Variants in SCFD2 observed in about 807,000 individuals in gnomAD.
The protein encoded by SCFD2 is sec1 family domain containing 2.
In SCFD2, 54 loss-of-function variants were observed where a neutral mutation model predicts 58.9. The ratio of observed to expected loss-of-function variants is 0.92; its 90% CI spans 0.74 to 1.15. The LOEUF is 1.15. Among genes scored for constraint, SCFD2 ranks in the 50% most tolerant of loss-of-function variants. The pLI is 0.00. For synonymous variants in SCFD2, 321 were observed against 335.9 expected (o/e 0.96, Z 0.49); for missense variants, 805 against 836.6 (o/e 0.96, Z 0.47).
chr4:53,189,128 G>A (rs558135538), intron 4 of SCFD2, among the ~76,000 whole-genome samples: 2 of 152,316 alleles, frequency 1.3e-5, no homozygotes, highest in South Asian at 2.1e-4. Flanking sequence ...AAAGAAGCAC[G>A]TTCCTTTTGC....
In SCFD2 at chr4:53,188,418, G is replaced by GGTGTGTGT. The variant is rs56120914; in HGVS notation, c.1312-42844_1312-42837dup. 5.7e-3 allele frequency among the ~76,000 whole-genome samples: 824 copies of GGTGTGTGT among 143,542 alleles called. 3 individuals carry two copies. Among genetic ancestry groups the GGTGTGTGT allele is most frequent in the Non-Finnish European group, 6.0e-3 (395 of 65,434 alleles). The allele number at this position is 143,542 out of a possible 152,430, so 94.2% of individuals were successfully genotyped here. ...GACAAAGTCCTCACACTTCAAAACT[G>GGTGTGTGT]GTGTGTGTGTGTGTGTGTGTGTGTG... On this transcript the variant is annotated intron_variant, in intron 4 of 8. Transcript: ENST00000401642.
intron 3 of SCFD2, among the ~76,000 whole-genome samples, chr4:53,290,184 C>A (rs1731793401): frequency 6.6e-6 from 1 of 152,064 alleles, no homozygotes; most frequent in Admixed American, 6.5e-5. Context: ...TTCTTTAGCA[C>A]ACATAAAACA....
chr4:53,189,298 A>C (rs1224624649), intron 4 of SCFD2, among the ~76,000 whole-genome samples: 1 of 152,238 alleles, frequency 6.6e-6, no homozygotes, highest in Non-Finnish European at 1.5e-5. Context: ...AGCTGGATCC[A>C]AACATGCCTG....
rs751613872 is a variant in SCFD2, at chr4:53,365,991, G to A, written c.-50C>T. 2.7e-6 allele frequency: 4 copies of A among 1,499,954 alleles called. No homozygotes were observed. The highest frequency in any genetic ancestry group is 3.5e-6 in the Non-Finnish European group (4 of 1,131,382). 92.9% of individuals were successfully genotyped at this position (1,499,954 alleles called of 1,614,324 possible). ...AACTACGGTGCAGGAACTTCTTTCAGAACTCACCGCTTCCGGAAATTGGGC... is the reference window on the plus strand; with the variant it reads ...AACTACGGTGCAGGAACTTCTTTCAAAACTCACCGCTTCCGGAAATTGGGC... On this transcript the variant is annotated 5_prime_UTR_variant, in exon 1 of 9. Coordinates refer to ENST00000401642, the MANE Select transcript of SCFD2 (RefSeq NM_152540.4). This position sits in a 1 kb window ranked among gnomAD's most constrained non-coding sequence, Gnocchi z 4.3.
At chr4:52,994,053 A>G (rs1721685758) in intron 5 of SCFD2, among the ~76,000 whole-genome samples, 2 of 152,044 alleles carry the variant, frequency 1.3e-5, no homozygotes, top group Non-Finnish European at 2.9e-5. Context: ...TTCAGGGGTA[A>G]CTCCCCACAG....
chr4:53,157,437 C>T (rs1268607141), intron 4 of SCFD2, among the ~76,000 whole-genome samples: 5 of 152,202 alleles, frequency 3.3e-5, no homozygotes, highest in South Asian at 2.1e-4. Context: ...AAAGCCATCA[C>T]AATATTCCTC....
At chr4:52,933,965 C>T (rs1467310868) in intron 5 of SCFD2, among the ~76,000 whole-genome samples, 1 of 152,164 alleles carries the variant, frequency 6.6e-6, no homozygotes, top group Non-Finnish European at 1.5e-5. Flanking sequence ...GTGGGATGGT[C>T]TTGCCAGATG....
chr4:53,128,822 T>C (rs530707625), intron 5 of SCFD2, among the ~76,000 whole-genome samples: 1 of 152,312 alleles, frequency 6.6e-6, no homozygotes, highest in Non-Finnish European at 1.5e-5. Context: ...TTTCTATGAT[T>C]TCACAGAAGG....
intron 4 of SCFD2, among the ~76,000 whole-genome samples, chr4:53,210,012 T>C (rs572217068): frequency 6.6e-6 from 1 of 152,274 alleles, no homozygotes; most frequent in African/African-American, 2.4e-5. Context: ...ACCAATCATC[T>C]TCTGGCCCTT....
At chr4:53,214,933 T>C (rs570121459) in intron 4 of SCFD2, among the ~76,000 whole-genome samples, 1 of 152,302 alleles carries the variant, frequency 6.6e-6, no homozygotes, top group Admixed American at 6.5e-5. Flanking sequence ...TGCTTGTTTT[T>C]GTCAGGTTTG....
chr4:52,918,390 A>T (rs1719656913), intron 6 of SCFD2, among the ~76,000 whole-genome samples: 1 of 152,208 alleles, frequency 6.6e-6, no homozygotes, highest in Non-Finnish European at 1.5e-5. Flanking sequence ...ACTATGTGAC[A>T]GATGCCACTC....
intron 5 of SCFD2, among the ~76,000 whole-genome samples, chr4:52,940,664 CCT>C (rs1469566924): frequency 1.3e-5 from 2 of 152,126 alleles, no homozygotes; most frequent in Admixed American, 1.3e-4. Flanking sequence ...GAAGAGTACC[CCT>C]GTGTCCCTAT....
At chr4:53,012,355 T>TC (rs1722113666) in intron 5 of SCFD2, among the ~76,000 whole-genome samples, 2 of 145,950 alleles carry the variant, frequency 1.4e-5, no homozygotes, top group South Asian at 2.2e-4. Context: ...CTCTCTCTCT[T>TC]TCTCTCTCTC....
chr4:52,935,771 C>A (rs776184520), intron 5 of SCFD2, among the ~76,000 whole-genome samples: 11 of 152,290 alleles, frequency 7.2e-5, no homozygotes, highest in Middle Eastern at 3.4e-3. Flanking sequence ...TTTTCATAGA[C>A]CTGCCCAATG....
At chr4:52,950,165 C>T (rs952744973) in intron 5 of SCFD2, 6 of 152,212 alleles carry the variant, frequency 3.9e-5, no homozygotes, top group African/African-American at 1.4e-4. Flanking sequence ...ATGGGTTTTA[C>T]ATACACGCAT....
rs1214051694 is a variant in SCFD2, at chr4:52,874,863, G to A, written c.1963-802C>T. Among the ~76,000 whole-genome samples, 3 of 152,196 alleles carry A rather than the reference G, an allele frequency of 2.0e-5. No individual in the cohort carries two copies. The East Asian group carries it at 5.8e-4, about 29-fold the overall frequency. On this transcript the variant is annotated intron_variant, in intron 8 of 8. Coordinates refer to ENST00000401642, the MANE Select transcript of SCFD2 (RefSeq NM_152540.4). ...TCATATTCACAGATACCAGTGGGGA[G>A]GTTAGGACTGCAAGACATTTTAAAG...
At chr4:53,328,866 G>A (rs1733310921) in intron 2 of SCFD2, among the ~76,000 whole-genome samples, 1 of 152,206 alleles carries the variant, frequency 6.6e-6, no homozygotes, top group African/African-American at 2.4e-5. Context: ...GCCAGACAGT[G>A]GGCGCAGGTC....
intron 5 of SCFD2, among the ~76,000 whole-genome samples, chr4:53,083,136 GAA>G (rs1305166219): frequency 2.0e-5 from 3 of 152,076 alleles, no homozygotes; most frequent in African/African-American, 7.2e-5. Context: ...GTGAAGGCTG[GAA>G]AAGTTTTGAG....
intron 4 of SCFD2, among the ~76,000 whole-genome samples, chr4:53,230,148 A>T (rs541599319): frequency 9.7e-4 from 148 of 152,332 alleles, no homozygotes; most frequent in African/African-American, 3.4e-3. Flanking sequence ...ATGTGGAGAA[A>T]TAGGAACACT....
Sources: gnomAD v4.1 joint callset for allele counts (sites outside exome capture counted in the v4.1 genomes callset) on GRCh38, gnomAD v4.1.1 for gene constraint, Gnocchi (gnomAD v3.1) non-coding constraint, MANE v1.5 for transcripts, NCBI Gene and HGNC (gene_info 2026-07-23, HGNC 2026-07-21) for gene names.